The following EPSTI1 variants were observed in gnomAD, a reference collection of about 807,000 sequenced individuals.
EPSTI1 encodes epithelial stromal interaction 1, also known as epithelial-stromal interaction protein 1.
In EPSTI1, 66 loss-of-function variants were observed where a neutral mutation model predicts 49.9. That is an observed-to-expected ratio of 1.32 (90% CI 1.08 to 1.62). The LOEUF (loss-of-function observed/expected upper bound fraction) is 1.62, where lower values mean the gene tolerates loss of function less well. EPSTI1 is among the 40% of genes most tolerant of loss of function. The pLI is 0.00. For synonymous variants in EPSTI1, 137 were observed against 130.7 expected, an observed-to-expected ratio of 1.05 and a Z score of -0.33; for missense variants, 394 against 365.5, an observed-to-expected ratio of 1.08 and a Z score of -0.64.
Position 42,888,381 on chromosome 13 carries a change from C to T in EPSTI1, c.*113G>A, listed in dbSNP as rs2036925232. 1 of 1,614,016 alleles carries T rather than the reference C, an allele frequency of 6.2e-7. No individual in the cohort carries two copies. The highest frequency in any genetic ancestry group is 1.7e-5 in the Admixed American group (1 of 60,004). On this transcript the variant is annotated 3_prime_UTR_variant, in exon 11 of 11. Transcript: ENST00000313624. The stretch of plus-strand genomic sequence containing the variant: ...CTGACTGCACGGTCAAGTGTGTGGG[C>T]AGTTGAAATTAAGGTAAAAACAGTG...
intron 5 of EPSTI1, among the ~76,000 whole-genome samples, chr13:42,957,298 T>C (rs1230618563): frequency 6.6e-6 from 1 of 152,214 alleles, no homozygotes; most frequent in African/African-American, 2.4e-5. Flanking sequence ...ATATCAAGCA[T>C]GCAGCAAAAT....
At chr13:42,985,663 G>C (rs1047351393) in intron 1 of EPSTI1, among the ~76,000 whole-genome samples, 1 of 152,218 alleles carries the variant, frequency 6.6e-6, no homozygotes, top group Admixed American at 6.5e-5. Flanking sequence ...TAATAGAGGA[G>C]TTCTGCATGG....
At chr13:42,938,496 A>G (rs538600119) in intron 6 of EPSTI1, among the ~76,000 whole-genome samples, 32 of 152,126 alleles carry the variant, frequency 2.1e-4, no homozygotes, top group Non-Finnish European at 4.3e-4. Context: ...TAAAGTCACC[A>G]TCTGCATTAG....
rs529014585 is a variant in EPSTI1 at position 42,957,144 on chromosome 13, A to G, written c.490-3123T>C. On this transcript the variant is annotated intron_variant, in intron 5 of 10. Coordinates refer to ENST00000313624, the MANE Select transcript of EPSTI1 (RefSeq NM_033255.5). The stretch of plus-strand genomic sequence containing the variant: ...AAACTTAAAGGACAGAAATAATAGG[A>G]AGCATGATGATAGGGATATGGGATG... 1.6e-4 allele frequency among the ~76,000 whole-genome samples: 24 copies of G among 152,332 alleles called. No individual in the cohort carries two copies. In the East Asian group the frequency reaches 4.6e-3, roughly 29 times the overall value.
chr13:42,898,003 T>C (rs1052652627), intron 9 of EPSTI1, among the ~76,000 whole-genome samples: 3 of 152,232 alleles, frequency 2.0e-5, no homozygotes, highest in Non-Finnish European at 4.4e-5. Context: ...TTTCACTTCA[T>C]GGCCCAAATC....
At chr13:42,943,857 A>G (rs941557198) in intron 6 of EPSTI1, among the ~76,000 whole-genome samples, 2 of 152,254 alleles carry the variant, frequency 1.3e-5, no homozygotes, top group African/African-American at 4.8e-5. Flanking sequence ...AAGTGGGCAA[A>G]GCATATGAAC....
intron 9 of EPSTI1, among the ~76,000 whole-genome samples, chr13:42,895,842 T>A (rs1054782730): frequency 1.3e-5 from 2 of 152,126 alleles, no homozygotes; most frequent in Non-Finnish European, 2.9e-5. Flanking sequence ...AACAGATTAT[T>A]TAGGAAGTGC....
chr13:42,988,461 G>A (rs908478086), intron 1 of EPSTI1, among the ~76,000 whole-genome samples: 7 of 152,106 alleles, frequency 4.6e-5, no homozygotes, highest in African/African-American at 1.7e-4. Context: ...GGCCAGGCGC[G>A]GTGGCTCACG....
At chr13:42,954,678 G>A (rs891828817) in intron 5 of EPSTI1, among the ~76,000 whole-genome samples, 1 of 152,126 alleles carries the variant, frequency 6.6e-6, no homozygotes, top group Non-Finnish European at 1.5e-5. Context: ...AATAACCCAG[G>A]AATGTTTGCT....
intron 4 of EPSTI1, chr13:42,963,623 G>A (rs1252679933): frequency 1.2e-5 from 5 of 400,578 alleles, no homozygotes; most frequent in African/African-American, 1.0e-4. Flanking sequence ...TGTGTGGTGT[G>A]TGTGTGTATT....
chr13:42,897,100 A>AG (rs1491566575), intron 9 of EPSTI1, among the ~76,000 whole-genome samples: 1 of 31,406 alleles, frequency 3.2e-5, no homozygotes, highest in Non-Finnish European at 5.7e-5. Flanking sequence ...ACTCTGTCTC[A>AG]AAAAAAAAAA....
intron 10 of EPSTI1, among the ~76,000 whole-genome samples, chr13:42,890,866 T>G (rs766601705): frequency 2.0e-5 from 3 of 152,100 alleles, no homozygotes; most frequent in Admixed American, 1.3e-4. Context: ...TAATGTATTT[T>G]TATTATTATT....
At chr13:42,944,633 C>T (rs1404139212) in intron 6 of EPSTI1, among the ~76,000 whole-genome samples, 5 of 152,038 alleles carry the variant, frequency 3.3e-5, no homozygotes, top group Admixed American at 1.3e-4. Flanking sequence ...CAAAGCTGCG[C>T]GTTCTTCACA....
intron 9 of EPSTI1, among the ~76,000 whole-genome samples, chr13:42,897,568 T>C (rs73182087): frequency 3.3e-5 from 5 of 152,174 alleles, no homozygotes; most frequent in African/African-American, 1.2e-4. Flanking sequence ...GGATGATGAG[T>C]GCAGACTGCA....
intron 1 of EPSTI1, among the ~76,000 whole-genome samples, chr13:42,986,920 G>A (rs115956807): frequency 2.6e-5 from 4 of 151,922 alleles, no homozygotes; most frequent in South Asian, 4.2e-4. Flanking sequence ...CCAGGTTGGC[G>A]AACACATCAA....
intron 10 of EPSTI1, among the ~76,000 whole-genome samples, chr13:42,889,762 A>C (rs1422561915): frequency 6.6e-6 from 1 of 152,156 alleles, no homozygotes; most frequent in Non-Finnish European, 1.5e-5. Context: ...TTCTTTTATG[A>C]ACAGATGTTT....
chr13:42,899,524 A>C (rs2037294694), intron 9 of EPSTI1, among the ~76,000 whole-genome samples: 1 of 152,204 alleles, frequency 6.6e-6, no homozygotes. Context: ...TCTCATTTAG[A>C]AAATGAAACC....
At chr13:42,943,322 G>A (rs1184930155) in intron 6 of EPSTI1, among the ~76,000 whole-genome samples, 2 of 152,168 alleles carry the variant, frequency 1.3e-5, no homozygotes, top group Non-Finnish European at 2.9e-5. Context: ...TGGGGGTAAA[G>A]GCTGGAGTTG....
rs957592892 is a variant in EPSTI1 at position 42,887,428 on chromosome 13, G to T, written c.*1066C>A. 2 of 152,208 alleles carry T rather than the reference G, an allele frequency of 1.3e-5. No individual in the cohort carries two copies. Among genetic ancestry groups the T allele is most frequent in the African/African-American group, 4.8e-5 (2 of 41,450 alleles). 9.4% of individuals were successfully genotyped at this position (152,208 alleles called of 1,614,324 possible). A position where few individuals can be genotyped will look rare whatever the true frequency, so the allele number is the denominator to read the frequency against. ...GAAAGTTCATTTCAACAGAGTGACTGGTAACACAGAAGATCTCTTAATGCT... is the reference window on the plus strand; with the variant it reads ...GAAAGTTCATTTCAACAGAGTGACTTGTAACACAGAAGATCTCTTAATGCT... On this transcript the variant is annotated 3_prime_UTR_variant, in exon 11 of 11. Coordinates refer to ENST00000313624, the MANE Select transcript of EPSTI1 (RefSeq NM_033255.5).
Sources: gnomAD v4.1 joint callset for allele counts (sites outside exome capture counted in the v4.1 genomes callset) on GRCh38, gnomAD v4.1.1 for gene constraint, MANE v1.5 for transcripts, NCBI Gene and HGNC (gene_info 2026-07-23, HGNC 2026-07-21) for gene names.